HUNK: variants seen among roughly 807,000 people sequenced by gnomAD.
HUNK encodes the protein hormonally up-regulated neu tumor-associated kinase.
HUNK carries 21 observed loss-of-function variants against 61.0 expected under a neutral mutation model. The observed-to-expected ratio is 0.34, with a 90% CI of 0.24 to 0.50. HUNK has a LOEUF of 0.50. Among genes scored for constraint, HUNK ranks in the 20% least tolerant of loss-of-function variants. The pLI is 0.98. For missense variants in HUNK, 772 were observed against 945.7 expected, an observed-to-expected ratio of 0.82 and a Z score of 2.41; for synonymous variants, 371 against 386.1, an observed-to-expected ratio of 0.96 and a Z score of 0.46.
intron 1 of HUNK, among the ~76,000 whole-genome samples, chr21:31,886,861 G>A (rs954992397): frequency 2.6e-5 from 4 of 152,080 alleles, no homozygotes; most frequent in Non-Finnish European, 4.4e-5. Flanking sequence ...GGCTGGTCTC[G>A]AACTCCTGAC....
At chr21:31,957,010 C>A (rs7276298) in intron 4 of HUNK, among the ~76,000 whole-genome samples, 5 of 151,910 alleles carry the variant, frequency 3.3e-5, no homozygotes, top group Non-Finnish European at 7.4e-5. Flanking sequence ...CAGCCAAAGA[C>A]ACATGAGCTC....
In HUNK at chr21:31,947,571, G is replaced by T. The variant is rs192440445; in HGVS notation, c.746+1400G>T. Among the ~76,000 whole-genome samples, 613 of 152,336 alleles carry T rather than the reference G, an allele frequency of 4.0e-3. 5 individuals carry two copies. The highest frequency in any genetic ancestry group is 4.9e-3 in the Non-Finnish European group (332 of 68,034). On this transcript the variant is annotated intron_variant, in intron 4 of 10. Coordinates refer to ENST00000270112, the MANE Select transcript of HUNK (RefSeq NM_014586.2). ...TCCCCAGCCAGCAAGGACTCTGCAC[G>T]AAGGGAGGGAATTGGTTGGTCTGGT...
At chr21:31,938,092 T>C (rs944476539) in intron 2 of HUNK, among the ~76,000 whole-genome samples, 1 of 152,090 alleles carries the variant, frequency 6.6e-6, no homozygotes, top group Non-Finnish European at 1.5e-5. Flanking sequence ...TTGGACACCT[T>C]TTAGAGTTCA....
intron 3 of HUNK, among the ~76,000 whole-genome samples, chr21:31,945,420 A>G (rs1601390931): frequency 6.6e-6 from 1 of 152,116 alleles, no homozygotes; most frequent in Admixed American, 6.6e-5. Flanking sequence ...TTCTGGTGCT[A>G]CTTTTCCAGC....
At chr21:31,904,632 C>T (rs1023187619) in intron 1 of HUNK, among the ~76,000 whole-genome samples, 7 of 152,198 alleles carry the variant, frequency 4.6e-5, no homozygotes, top group South Asian at 2.1e-4. Context: ...CCGGAGTTTC[C>T]GTGGGTCTTC....
intron 1 of HUNK, among the ~76,000 whole-genome samples, chr21:31,894,026 G>A (rs937948071): frequency 1.3e-5 from 2 of 152,130 alleles, no homozygotes; most frequent in South Asian, 2.1e-4. Flanking sequence ...CTTCTTCCCC[G>A]AGGCTGCGTT....
Position 31,873,790 on chromosome 21 carries a change from C to T in HUNK, c.116C>T (p.Ala39Val). 6.5e-7 allele frequency: 1 copy of T among 1,547,706 alleles called. No individual in the cohort carries two copies. Reference protein sequence around the residue: ...AAACEGSFLPAWVSGVPRERL... With the variant: ...AAACEGSFLPVWVSGVPRERL... ...GCCTGCGAGGGAAGTTTCCTGCCTG[C>T]CTGGGTGAGCGGCGTGCCCCGCGAG... Residue 39 changes from alanine to valine, a missense_variant, in exon 1 of 11, where the codon GCC becomes GTC. Around this residue, in one of 2 missense-constraint regions of HUNK, gnomAD observed 359 missense variants for 501.3 expected, o/e 0.72. Coordinates refer to ENST00000270112, the MANE Select transcript of HUNK (RefSeq NM_014586.2). This position sits in a 1 kb window ranked among gnomAD's most constrained non-coding sequence, Gnocchi z 6.1.
chr21:31,950,526 CA>C (rs2123835052), intron 4 of HUNK, among the ~76,000 whole-genome samples: 1 of 152,224 alleles, frequency 6.6e-6, no homozygotes, highest in East Asian at 1.9e-4. Context: ...AGGTGTGACA[CA>C]TCTGATTTCT....
intron 1 of HUNK, among the ~76,000 whole-genome samples, chr21:31,903,677 C>G (rs1256662663): frequency 6.6e-6 from 1 of 152,202 alleles, no homozygotes; most frequent in African/African-American, 2.4e-5. Context: ...CCCCAAACCT[C>G]TATTAAATAA....
chr21:31,975,703 A>T (rs2053043911), intron 7 of HUNK, among the ~76,000 whole-genome samples: 1 of 152,220 alleles, frequency 6.6e-6, no homozygotes, highest in Non-Finnish European at 1.5e-5. Context: ...ATGTCACCAA[A>T]TTTCACTAGA....
chr21:31,917,695 TAC>T (rs3056146), intron 1 of HUNK, among the ~76,000 whole-genome samples: 9,614 of 94,598 alleles, frequency 0.1, 396 homozygotes, highest in Admixed American at 0.12. Flanking sequence ...TTCCCAAACA[TAC>T]ACACACACAC....
At chr21:31,965,759 A>G (rs536392902) in intron 5 of HUNK, among the ~76,000 whole-genome samples, 2 of 151,558 alleles carry the variant, frequency 1.3e-5, no homozygotes, top group African/African-American at 4.8e-5. Context: ...GCACCACCAC[A>G]CCCGGCTAAT....
At chr21:31,939,714 G>GTT (rs1316944132) in intron 2 of HUNK, among the ~76,000 whole-genome samples, 7 of 136,254 alleles carry the variant, frequency 5.1e-5, no homozygotes, top group African/African-American at 6.0e-5. Flanking sequence ...GGCCTCATGT[G>GTT]TTGTTTTTTT....
chr21:31,949,042 A>G (rs1236786191), intron 4 of HUNK, among the ~76,000 whole-genome samples: 4 of 152,236 alleles, frequency 2.6e-5, no homozygotes, highest in Non-Finnish European at 5.9e-5. Flanking sequence ...CCTGTGAGAC[A>G]CATCTCTTGC....
In HUNK at chr21:32,003,898, G is replaced by A. The variant is rs1247529223; in HGVS notation, c.*4714G>A. 1 of 152,180 alleles carries A rather than the reference G, an allele frequency of 6.6e-6. No homozygotes were observed. The highest frequency in any genetic ancestry group is 1.5e-5 in the Non-Finnish European group (1 of 68,044). 9.4% of individuals were successfully genotyped at this position (152,180 alleles called of 1,614,324 possible). On this transcript the variant is annotated 3_prime_UTR_variant, in exon 11 of 11. Transcript: ENST00000270112. ...TCCACATGTATCCACATCTGAGCTG[G>A]TGGTGTTCCAATAATGAGGCATTTG...
intron 8 of HUNK, among the ~76,000 whole-genome samples, chr21:31,986,262 A>AAGTGC (rs774751241): frequency 9.9e-5 from 15 of 151,868 alleles, no homozygotes; most frequent in Non-Finnish European, 1.8e-4. Flanking sequence ...TGCAAGGAAG[A>AAGTGC]AACCCAAGAG....
At chr21:31,881,140 G>A (rs748544603) in intron 1 of HUNK, among the ~76,000 whole-genome samples, 4 of 152,210 alleles carry the variant, frequency 2.6e-5, no homozygotes, top group Admixed American at 1.3e-4. Context: ...CAGCACTGAC[G>A]GGGAATCTGG....
intron 1 of HUNK, among the ~76,000 whole-genome samples, chr21:31,901,362 C>T (rs1432924804): frequency 6.6e-6 from 1 of 152,136 alleles, no homozygotes; most frequent in African/African-American, 2.4e-5. Context: ...ACCATCTTCA[C>T]CTGTACTGTC....
intron 1 of HUNK, among the ~76,000 whole-genome samples, chr21:31,904,700 G>A (rs2052492897): frequency 6.6e-6 from 1 of 152,084 alleles, no homozygotes; most frequent in African/African-American, 2.4e-5. Context: ...AAATTTTACT[G>A]GTGTTATGGG....
Sources: allele counts gnomAD v4.1 joint callset (sites outside exome capture counted in the v4.1 genomes callset), GRCh38; gene constraint gnomAD v4.1.1; regional missense constraint gnomAD v4.1.1; non-coding constraint Gnocchi (gnomAD v3.1); transcripts MANE v1.5; gene names NCBI Gene and HGNC (gene_info 2026-07-23, HGNC 2026-07-21).